Variants in ANTXR2 observed in about 807,000 individuals in gnomAD.
ANTXR2 encodes the protein ANTXR cell adhesion molecule 2, also known as anthrax toxin receptor 2.
A neutral mutation model predicts 73.7 loss-of-function variants in ANTXR2; 44 were observed. The observed-to-expected ratio is 0.60, with a 90% confidence interval of 0.47 to 0.77. The LOEUF is 0.77. Ranked by LOEUF, ANTXR2 falls within the 30% of genes least tolerant of loss-of-function variation. The pLI is 0.00. For missense variants in ANTXR2, 604 were observed against 592.5 expected (o/e 1.02, Z -0.20); for synonymous variants, 217 against 205.9 (o/e 1.05, Z -0.46).
At chr4:80,032,007 C>T (rs1732721919) in intron 9 of ANTXR2, among the ~76,000 whole-genome samples, 1 of 151,256 alleles carries the variant, frequency 6.6e-6, no homozygotes, top group Admixed American at 6.6e-5. Context: ...AAAACAAATG[C>T]TCCGTATTAT....
chr4:80,063,717 A>T (rs1578196462), intron 3 of ANTXR2, among the ~76,000 whole-genome samples: 1 of 152,248 alleles, frequency 6.6e-6, no homozygotes, highest in South Asian at 2.1e-4. Context: ...TATATCTCTT[A>T]TATGTTCTCT....
chr4:80,040,891 T>C (rs1733210660), intron 7 of ANTXR2, among the ~76,000 whole-genome samples: 1 of 152,022 alleles, frequency 6.6e-6, no homozygotes. Context: ...AAAAATTATA[T>C]ACCTTATTAC....
At chr4:79,997,514 A>C (rs1730786207) in intron 12 of ANTXR2, among the ~76,000 whole-genome samples, 1 of 151,962 alleles carries the variant, frequency 6.6e-6, no homozygotes, top group Admixed American at 6.6e-5. Flanking sequence ...ACATACAAAA[A>C]CACAAAGTTC....
intron 12 of ANTXR2, among the ~76,000 whole-genome samples, chr4:79,991,869 ACAGGTT>A (rs1397785305): frequency 2.0e-5 from 3 of 152,100 alleles, no homozygotes; most frequent in African/African-American, 7.2e-5. Context: ...ACCAAGTACT[ACAGGTT>A]CTTTTTTATA....
intron 10 of ANTXR2, among the ~76,000 whole-genome samples, chr4:80,021,280 A>G (rs1732150747): frequency 6.6e-6 from 1 of 152,192 alleles, no homozygotes; most frequent in African/African-American, 2.4e-5. Flanking sequence ...GTATTAAGAA[A>G]GAAAACTTAA....
chr4:79,998,280 C>T (rs145417550), intron 12 of ANTXR2, among the ~76,000 whole-genome samples: 37 of 152,022 alleles, frequency 2.4e-4, no homozygotes, highest in Admixed American at 1.2e-3. Context: ...CTTTATGTAA[C>T]GTCTTAAATG....
At chr4:79,958,405 A>G (rs995101827) in intron 16 of ANTXR2, among the ~76,000 whole-genome samples, 2 of 152,166 alleles carry the variant, frequency 1.3e-5, no homozygotes, top group Non-Finnish European at 2.9e-5. Context: ...CTGATGCCAG[A>G]GCATGAAAAG....
At chr4:80,021,882 C>T (rs968926327) in intron 10 of ANTXR2, among the ~76,000 whole-genome samples, 4 of 152,122 alleles carry the variant, frequency 2.6e-5, no homozygotes, top group South Asian at 2.1e-4. Context: ...GTAGTAGCAG[C>T]GTGATCAAAA....
At chr4:79,922,883 A>C (rs1180319458) in intron 16 of ANTXR2, among the ~76,000 whole-genome samples, 2 of 152,146 alleles carry the variant, frequency 1.3e-5, no homozygotes, top group Admixed American at 6.6e-5. Context: ...GAATATAATT[A>C]ATGTATTATC....
chr4:80,056,163 T>C (rs146922341), intron 3 of ANTXR2, 150 bp from the exon 4 acceptor site: 5 of 497,116 alleles, frequency 1.0e-5, no homozygotes, highest in East Asian at 6.9e-5. Flanking sequence ...TAACTTCATA[T>C]ACTTTTTGTA....
At chr4:79,923,856 ATG>A (rs941089565) in intron 16 of ANTXR2, among the ~76,000 whole-genome samples, 2 of 152,132 alleles carry the variant, frequency 1.3e-5, no homozygotes, top group Non-Finnish European at 2.9e-5. Flanking sequence ...CGCTGTCTCT[ATG>A]TGTGTTGATA....
intron 16 of ANTXR2, among the ~76,000 whole-genome samples, chr4:79,950,777 C>T (rs77776489): frequency 2.0e-5 from 3 of 152,294 alleles, no homozygotes; most frequent in East Asian, 1.9e-4. Context: ...CCAAGCCTGA[C>T]GTTCCTGCCA....
intron 12 of ANTXR2, 112 bp from the exon 13 acceptor site, chr4:79,984,975 C>T (rs1371506925): frequency 2.3e-6 from 2 of 874,804 alleles, no homozygotes; most frequent in Non-Finnish European, 3.5e-6. Context: ...AGAAGTCCCT[C>T]ACTGAAGCTT....
chr4:80,024,048 G>T (rs1732300767), intron 10 of ANTXR2, among the ~76,000 whole-genome samples: 1 of 152,178 alleles, frequency 6.6e-6, no homozygotes, highest in African/African-American at 2.4e-5. Context: ...CTTGAAATAA[G>T]TACCAAAGTA....
chr4:79,929,359 A>G (rs1382535162), intron 16 of ANTXR2, among the ~76,000 whole-genome samples: 1 of 152,112 alleles, frequency 6.6e-6, no homozygotes. Flanking sequence ...CTAAAAATAT[A>G]AAAATTAGCC....
chr4:79,981,940 C>T (rs1317775998), intron 14 of ANTXR2, among the ~76,000 whole-genome samples: 1 of 152,090 alleles, frequency 6.6e-6, no homozygotes, highest in Non-Finnish European at 1.5e-5. Context: ...ACTCTTGAAA[C>T]TTGAATTATA....
At chr4:80,048,793 AAAC>A (rs1311740428) in intron 7 of ANTXR2, among the ~76,000 whole-genome samples, 1 of 151,712 alleles carries the variant, frequency 6.6e-6, no homozygotes, top group Non-Finnish European at 1.5e-5. Context: ...TTCTAAGAAC[AAAC>A]AACAACAGAC....
intron 7 of ANTXR2, among the ~76,000 whole-genome samples, chr4:80,049,143 T>C (rs1328243997): frequency 6.6e-6 from 1 of 151,690 alleles, no homozygotes; most frequent in East Asian, 1.9e-4. Flanking sequence ...AATGTGGGAA[T>C]AATTCCAAAT....
intron 12 of ANTXR2, among the ~76,000 whole-genome samples, chr4:79,989,404 C>T (rs1490117024): frequency 6.6e-6 from 1 of 151,782 alleles, no homozygotes; most frequent in Non-Finnish European, 1.5e-5. Context: ...TGGGTAAATT[C>T]CTAAAAACAT....
Sources: allele counts gnomAD v4.1 joint callset (sites outside exome capture counted in the v4.1 genomes callset), GRCh38; gene constraint gnomAD v4.1.1; transcripts MANE v1.5; gene names NCBI Gene and HGNC (gene_info 2026-07-23, HGNC 2026-07-21).